The following AGAP1 variants were observed in gnomAD, a reference collection of about 807,000 sequenced individuals.
AGAP1 encodes the protein ArfGAP with GTPase domain, ankyrin repeat and PH domain 1, also known as arf-GAP with GTPase, ANK repeat and PH domain-containing protein 1.
A neutral mutation model predicts 105.3 loss-of-function variants in AGAP1; 29 were observed. That is an observed-to-expected ratio of 0.28 (90% confidence interval 0.21 to 0.38). The LOEUF (loss-of-function observed/expected upper bound fraction) is 0.38. AGAP1 is among the 10% of genes least tolerant of loss of function. The pLI is 1.00. For synonymous variants in AGAP1, 509 were observed against 485.9 expected (o/e 1.05, Z -0.63); for missense variants, 998 against 1,165.1 (o/e 0.86, Z 2.09).
intron 9 of AGAP1, among the ~76,000 whole-genome samples, chr2:235,813,610 G>A (rs151033879): frequency 2.6e-5 from 4 of 152,342 alleles, no homozygotes; most frequent in Non-Finnish European, 4.4e-5. Context: ...CATGGGCTCC[G>A]ATCCCACAGC....
At chr2:235,761,830 G>A (rs750172851) in intron 6 of AGAP1, among the ~76,000 whole-genome samples, 4 of 151,852 alleles carry the variant, frequency 2.6e-5, no homozygotes, top group South Asian at 2.1e-4. Flanking sequence ...GACATAGGCC[G>A]GGCGCACAGT....
intron 9 of AGAP1, among the ~76,000 whole-genome samples, chr2:235,856,519 C>T (rs1202368492): frequency 2.0e-5 from 3 of 152,224 alleles, no homozygotes; most frequent in Non-Finnish European, 2.9e-5. Context: ...GTCCTTTCCA[C>T]ATCTAAGCCA....
In AGAP1 at chr2:235,788,285, C is replaced by T. The variant is rs1325366653; in HGVS notation, c.674-9474C>T. ...CTGGAGTATGACTTGGATGTACAAA[C>T]TCCTAATCCCTAAGGATAGGAAAAG... On this transcript the variant is annotated intron_variant, in intron 6 of 17. Transcript: ENST00000304032. This position sits in a 1 kb window ranked among gnomAD's most constrained non-coding sequence, Gnocchi z 6.0. Among the ~76,000 whole-genome samples, 1 of 152,200 alleles carries T rather than the reference C, an allele frequency of 6.6e-6. No homozygotes were observed. Among genetic ancestry groups the T allele is most frequent in the Non-Finnish European group, 1.5e-5 (1 of 68,042 alleles).
At chr2:235,997,922 G>A (rs962357662) in intron 13 of AGAP1, among the ~76,000 whole-genome samples, 1 of 152,104 alleles carries the variant, frequency 6.6e-6, no homozygotes, top group African/African-American at 2.4e-5. Context: ...GGTCTCGGAG[G>A]CTGGTGTTAC....
At chr2:235,786,720 C>G (rs1292826580) in intron 6 of AGAP1, among the ~76,000 whole-genome samples, 1 of 152,212 alleles carries the variant, frequency 6.6e-6, no homozygotes, top group Non-Finnish European at 1.5e-5. Flanking sequence ...GTGACAAGAT[C>G]TCGTCTAGTT....
At chr2:235,584,555 G>A (rs957918133) in intron 1 of AGAP1, among the ~76,000 whole-genome samples, 2 of 151,204 alleles carry the variant, frequency 1.3e-5, no homozygotes, top group Non-Finnish European at 1.5e-5. Context: ...GAAGGGCCAT[G>A]TCACGATGGA....
rs754799824 is a variant in AGAP1, at chr2:235,494,677, C to T, written c.-10C>T. The T allele has an allele frequency of 3.8e-5, 55 of 1,440,468 alleles. No homozygotes were observed. In the Middle Eastern group the frequency reaches 8.0e-4, roughly 21 times the overall value. 89.2% of individuals were successfully genotyped at this position (1,440,468 alleles called of 1,614,324 possible). On this transcript the variant is annotated 5_prime_UTR_variant, in exon 1 of 18. Coordinates refer to ENST00000304032, the MANE Select transcript of AGAP1 (RefSeq NM_001037131.3). ...GGGGGGCGCGCGGCTCCGGGCGCGG[C>T]GCCTGCACCATGAACTACCAGCAGC...
At chr2:235,942,170 G>A (rs1409909137) in intron 12 of AGAP1, among the ~76,000 whole-genome samples, 1 of 152,168 alleles carries the variant, frequency 6.6e-6, no homozygotes, top group Admixed American at 6.5e-5. Flanking sequence ...GTTATCATCT[G>A]CTGTGTAGAC....
intron 6 of AGAP1, chr2:235,776,892 C>A: frequency 4.3e-6 from 2 of 470,444 alleles, no homozygotes; most frequent in Admixed American, 4.7e-5. Flanking sequence ...TTGGCTGCAA[C>A]CTCTCTGGCT....
Position 235,769,689 on chromosome 2 carries a change from G to A in AGAP1, c.673+19201G>A, listed in dbSNP as rs1023936820. ...TGTAAAATATCGTGGTCAAAATCTC[G>A]GGGAGGCAGTGAAAAAAAAACGAAA... is the stretch of plus-strand genomic sequence containing the variant. On this transcript the variant is annotated intron_variant, in intron 6 of 17. Transcript: ENST00000304032. The surrounding 1 kb of genome is among the most constrained non-coding windows in gnomAD (Gnocchi z 4.4). 1.3e-5 allele frequency among the ~76,000 whole-genome samples: 2 copies of A among 152,106 alleles called. No homozygotes were observed. Among genetic ancestry groups the A allele is most frequent in the East Asian group, 1.9e-4 (1 of 5,190 alleles).
chr2:235,834,690 C>T (rs1302467185), intron 9 of AGAP1, among the ~76,000 whole-genome samples: 1 of 152,112 alleles, frequency 6.6e-6, no homozygotes, highest in Non-Finnish European at 1.5e-5. Context: ...TGCGAGGTCC[C>T]CGTGAGAGGA....
chr2:235,700,490 C>T lies in AGAP1; in HGVS notation c.164-8689C>T, dbSNP rs1950195772. Among the ~76,000 whole-genome samples the T allele has an allele frequency of 6.6e-6, 1 of 152,090 alleles. No individual in the cohort carries two copies. Among genetic ancestry groups the T allele is most frequent in the Non-Finnish European group, 1.5e-5 (1 of 68,030 alleles). On this transcript the variant is annotated intron_variant, in intron 1 of 17. Coordinates refer to ENST00000304032, the MANE Select transcript of AGAP1 (RefSeq NM_001037131.3). The surrounding 1 kb of genome is among the most constrained non-coding windows in gnomAD (Gnocchi z 6.1). ...GGGTATTATGAGGCACTCAGGAATG[C>T]TTTTGAAGAAACTGTAATGAAAATG...
chr2:235,878,845 G>T (rs1233270218), intron 9 of AGAP1, among the ~76,000 whole-genome samples: 2 of 152,226 alleles, frequency 1.3e-5, no homozygotes, highest in African/African-American at 4.8e-5. Flanking sequence ...GAGTTGTCAT[G>T]AAGTCTCACT....
At chr2:235,654,400 A>G (rs1288139448) in intron 1 of AGAP1, among the ~76,000 whole-genome samples, 1 of 152,228 alleles carries the variant, frequency 6.6e-6, no homozygotes. Flanking sequence ...TACAATAGCA[A>G]GATAAGGGAA....
rs1211771735 is a variant in AGAP1, at chr2:235,874,999, C to CA, written c.1051-8339dup. On this transcript the variant is annotated intron_variant, in intron 9 of 17. Transcript: ENST00000304032. This position sits in a 1 kb window ranked among gnomAD's most constrained non-coding sequence, Gnocchi z 4.5. ...TAGAAACAGCTCTCCCAAACGTGGG[C>CA]AAAAAAAGAAACTAGAACTGGTTGA... is the stretch of plus-strand genomic sequence containing the variant. Among the ~76,000 whole-genome samples the CA allele has an allele frequency of 1.3e-5, 2 of 151,976 alleles. No homozygotes were observed. Among genetic ancestry groups the CA allele is most frequent in the Non-Finnish European group, 2.9e-5 (2 of 67,966 alleles).
Position 235,824,377 on chromosome 2 carries a change from T to C in AGAP1, c.1050+17046T>C, listed in dbSNP as rs548786320. On this transcript the variant is annotated intron_variant, in intron 9 of 17. Transcript: ENST00000304032. The surrounding 1 kb of genome is among the most constrained non-coding windows in gnomAD (Gnocchi z 5.2). ...CTGTACTCACTGTGGGTCTTGCAAA[T>C]TGGTAACTGGTAGCTACCAGTGTAA... Among the ~76,000 whole-genome samples the C allele has an allele frequency of 1.3e-5, 2 of 152,308 alleles. No homozygotes were observed. The highest frequency in any genetic ancestry group is 3.9e-4 in the East Asian group (2 of 5,182).
intron 16 of AGAP1, among the ~76,000 whole-genome samples, chr2:236,098,793 T>A (rs1336935779): frequency 6.7e-6 from 1 of 149,590 alleles, no homozygotes; most frequent in African/African-American, 2.5e-5. Context: ...CCCAGCTAAT[T>A]TTTTTTAATT....
intron 1 of AGAP1, among the ~76,000 whole-genome samples, chr2:235,675,549 C>T (rs537467742): frequency 3.3e-5 from 5 of 152,214 alleles, no homozygotes; most frequent in African/African-American, 1.2e-4. Context: ...ACTGATTAGT[C>T]TTTTGTTATT....
At chr2:235,774,179 A>G in intron 6 of AGAP1, 1 of 380,284 alleles carries the variant, frequency 2.6e-6, no homozygotes, top group South Asian at 2.1e-5. Flanking sequence ...TATTCTTGAT[A>G]TTATAGACAT....
Sources: gnomAD v4.1 joint callset for allele counts (sites outside exome capture counted in the v4.1 genomes callset) on GRCh38, gnomAD v4.1.1 for gene constraint, Gnocchi (gnomAD v3.1) non-coding constraint, MANE v1.5 for transcripts, NCBI Gene and HGNC (gene_info 2026-07-23, HGNC 2026-07-21) for gene names.